Variants in DCDC2 observed in about 807,000 individuals in gnomAD.
The protein encoded by DCDC2 is doublecortin domain-containing protein 2.
DCDC2 carries 40 observed loss-of-function variants against 50.2 expected under a neutral mutation model. That is an observed-to-expected ratio of 0.80 (90% CI 0.62 to 1.04). The LOEUF (loss-of-function observed/expected upper bound fraction) is 1.04, where lower values mean the gene tolerates loss of function less well. Ranked by LOEUF, DCDC2 falls within the 50% of genes least tolerant of loss-of-function variation. The probability of loss-of-function intolerance (pLI) is 0.00; values close to 1 mark genes in which losing one functional copy is unlikely to be tolerated. For missense variants in DCDC2, 570 were observed against 581.9 expected, an observed-to-expected ratio of 0.98 and a Z score of 0.21; for synonymous variants, 234 against 210.6, an observed-to-expected ratio of 1.11 and a Z score of -0.96.
intron 7 of DCDC2, among the ~76,000 whole-genome samples, chr6:24,208,838 T>A (rs932192900): frequency 2.6e-5 from 4 of 152,242 alleles, no homozygotes; most frequent in Non-Finnish European, 5.9e-5. Context: ...TCCTAACAGG[T>A]TTTGACATGT....
chr6:24,276,958 C>T (rs1763372296), intron 7 of DCDC2, among the ~76,000 whole-genome samples: 1 of 152,108 alleles, frequency 6.6e-6, no homozygotes, highest in Admixed American at 6.5e-5. Context: ...TCATTTAGGT[C>T]TTTGATGATT....
At chr6:24,335,013 A>G (rs150457378) in intron 2 of DCDC2, among the ~76,000 whole-genome samples, 1 of 152,326 alleles carries the variant, frequency 6.6e-6, no homozygotes, top group Non-Finnish European at 1.5e-5. Flanking sequence ...TGATCACGAG[A>G]TTCCCAAGAT....
intron 8 of DCDC2, among the ~76,000 whole-genome samples, chr6:24,187,746 C>T (rs1197592021): frequency 6.6e-6 from 1 of 152,140 alleles, no homozygotes. Context: ...AAAAGTCAGC[C>T]TCATATGTGC....
intron 7 of DCDC2, among the ~76,000 whole-genome samples, chr6:24,216,537 G>A (rs998027400): frequency 4.6e-5 from 7 of 152,138 alleles, no homozygotes; most frequent in Non-Finnish European, 1.0e-4. Context: ...CAGTACAGAC[G>A]ACTCTTTCAA....
chr6:24,301,695 A>T lies in DCDC2; in HGVS notation c.557+20T>A, dbSNP rs1561766244. Reference sequence around the variant, plus strand: ...CAACAATTCAAAAACTCCTCCACTTACAAGATTGTTTTGACATACCTGTGA... The same window carrying T: ...CAACAATTCAAAAACTCCTCCACTTTCAAGATTGTTTTGACATACCTGTGA... On this transcript the variant is annotated intron_variant, in intron 4 of 9. Transcript: ENST00000378454. The T allele has an allele frequency of 3.1e-6, 5 of 1,611,506 alleles. No individual in the cohort carries two copies. Among genetic ancestry groups the T allele is most frequent in the Non-Finnish European group, 4.2e-6 (5 of 1,178,714 alleles).
rs140399150 is a variant in DCDC2 at position 24,187,641 on chromosome 6, T to C, written c.1024-9009A>G. 5.1e-4 allele frequency among the ~76,000 whole-genome samples: 77 copies of C among 152,356 alleles called. 1 individual carries two copies. The East Asian group carries it at 0.013, about 26-fold the overall frequency. ...ACTATGGAGGTCTTCTGGAAGTTTC[T>C]TGAAGTAAGGGCTTTTTGTTATTCA... On this transcript the variant is annotated intron_variant, in intron 8 of 9. Transcript: ENST00000378454.
chr6:24,288,516 C>T (rs1249925393), intron 6 of DCDC2, among the ~76,000 whole-genome samples: 1 of 152,112 alleles, frequency 6.6e-6, no homozygotes, highest in African/African-American at 2.4e-5. Flanking sequence ...TTTTAGTCTT[C>T]GTTAAAGATA....
At chr6:24,238,322 G>T (rs1762497616) in intron 7 of DCDC2, among the ~76,000 whole-genome samples, 1 of 150,298 alleles carries the variant, frequency 6.7e-6, no homozygotes, top group South Asian at 2.1e-4. Flanking sequence ...TTTTTGAGAT[G>T]GAGTCTTGTT....
intron 2 of DCDC2, among the ~76,000 whole-genome samples, chr6:24,329,420 G>A (rs1375509654): frequency 6.6e-6 from 1 of 152,192 alleles, no homozygotes; most frequent in African/African-American, 2.4e-5. Context: ...TATTGAAAGA[G>A]TAGTTGAAAA....
intron 2 of DCDC2, among the ~76,000 whole-genome samples, chr6:24,313,255 C>T (rs559471556): frequency 6.6e-6 from 1 of 152,038 alleles, no homozygotes; most frequent in Non-Finnish European, 1.5e-5. Context: ...CAAGTAAATG[C>T]CCATGGGTTT....
chr6:24,179,092 A>G (rs1760991376), intron 8 of DCDC2, among the ~76,000 whole-genome samples: 1 of 152,136 alleles, frequency 6.6e-6, no homozygotes, highest in African/African-American at 2.4e-5. Flanking sequence ...AAGGCTAAGG[A>G]TGAGGGCAAT....
chr6:24,191,638 C>A (rs571922463), intron 8 of DCDC2, among the ~76,000 whole-genome samples: 4 of 152,286 alleles, frequency 2.6e-5, no homozygotes, highest in African/African-American at 7.2e-5. Flanking sequence ...CCACAGGCTA[C>A]CATCCCTATT....
chr6:24,278,040 C>A lies in DCDC2; in HGVS notation c.922+9G>T. The A allele has an allele frequency of 6.3e-7, 1 of 1,597,438 alleles. No homozygotes were observed. Among genetic ancestry groups the A allele is most frequent in the Non-Finnish European group, 8.6e-7 (1 of 1,168,644 alleles). On this transcript the variant is annotated intron_variant, in intron 7 of 9. Coordinates refer to ENST00000378454, the MANE Select transcript of DCDC2 (RefSeq NM_016356.5). ...TATCACAGCCTTAAGATAATAATAA[C>A]ACACTTACCACTATTTGGAATGGTT...
At chr6:24,359,454 T>G (rs1170564669), upstream of DCDC2, among the ~76,000 whole-genome samples, 1 of 55,376 alleles carries the variant, frequency 1.8e-5, no homozygotes, top group East Asian at 8.0e-4. Flanking sequence ...AGTATATATA[T>G]TTATATATAC....
intron 7 of DCDC2, among the ~76,000 whole-genome samples, chr6:24,220,870 A>AGAGAC (rs1554146303): frequency 1.6e-5 from 2 of 127,116 alleles, no homozygotes; most frequent in South Asian, 2.6e-4. Context: ...GACAGAGAGC[A>AGAGAC]AGAGAGCGAG....
chr6:24,195,258 T>C (rs1761407521), intron 8 of DCDC2, among the ~76,000 whole-genome samples: 2 of 152,214 alleles, frequency 1.3e-5, no homozygotes, highest in South Asian at 2.1e-4. Context: ...CAAAATAGCA[T>C]TTGCACCCAA....
chr6:24,306,539 TAGATAGAC>T (rs1368989723), intron 2 of DCDC2, among the ~76,000 whole-genome samples: 3,237 of 108,146 alleles, frequency 0.03, 67 homozygotes, highest in African/African-American at 0.069. Context: ...GATAGATAGA[TAGATAGAC>T]AGACAGACAG....
At chr6:24,324,754 A>T (rs1759828439) in intron 2 of DCDC2, among the ~76,000 whole-genome samples, 1 of 152,114 alleles carries the variant, frequency 6.6e-6, no homozygotes, top group African/African-American at 2.4e-5. Flanking sequence ...ATGGTGGCTC[A>T]TGCCTATAGT....
chr6:24,294,177 T>C (rs906570418), intron 4 of DCDC2, among the ~76,000 whole-genome samples: 14 of 152,080 alleles, frequency 9.2e-5, no homozygotes, highest in African/African-American at 3.4e-4. Context: ...GGCAACATAG[T>C]GAAACCCCGT....
Sources: allele counts gnomAD v4.1 joint callset (sites outside exome capture counted in the v4.1 genomes callset), GRCh38; gene constraint gnomAD v4.1.1; transcripts MANE v1.5; gene names NCBI Gene and HGNC (gene_info 2026-07-23, HGNC 2026-07-21).